The following OFD1 variants were observed in gnomAD, a reference collection of about 807,000 sequenced individuals.
OFD1 encodes the protein centriole and centriolar satellite protein OFD1.
OFD1 carries 12 observed loss-of-function variants against 81.4 expected under a neutral mutation model. The ratio of observed to expected loss-of-function variants is 0.15; its 90% CI spans 0.09 to 0.24. The LOEUF (loss-of-function observed/expected upper bound fraction) is 0.24, where lower values mean the gene tolerates loss of function less well. Among genes scored for constraint, OFD1 ranks in the 10% least tolerant of loss-of-function variants. The pLI is 1.00. For missense variants in OFD1, 685 were observed against 733.9 expected, an observed-to-expected ratio of 0.93 and a Z score of 0.77; for synonymous variants, 256 against 263.7, an observed-to-expected ratio of 0.97 and a Z score of 0.28.
intron 13 of OFD1, 59 bp from the exon 14 acceptor site, chrX:13,757,601 A>T: frequency 8.6e-7 from 1 of 1,159,064 alleles, no homozygotes; most frequent in South Asian, 1.8e-5. Context: ...TGTTAAGTTA[A>T]ATAAGAAAAC....
chrX:13,745,450 G>A (rs2047258183), intron 6 of OFD1, among the ~76,000 whole-genome samples: 3 of 112,271 alleles, frequency 2.7e-5, no homozygotes, highest in Non-Finnish European at 5.6e-5. Context: ...GAAATCTCAT[G>A]TGTTTTTTAC....
chrX:13,762,413 G>A lies in OFD1; in HGVS notation c.2457G>A (p.Lys819=), dbSNP rs1179361521. The A allele has an allele frequency of 2.5e-6, 3 of 1,184,035 alleles. No homozygotes were observed. The highest frequency in any genetic ancestry group is 5.9e-5 in the East Asian group (2 of 33,699). The change falls in exon 18 of 23, where the codon AAG becomes AAA. Residue 819 remains lysine (K), a synonymous_variant. Coordinates refer to ENST00000340096, the MANE Select transcript of OFD1 (RefSeq NM_003611.3). ...EFSDVDKLAF[K]DNEEFESSFE... is the part of the protein sequence containing the mutation. ...CAGATGTGGACAAGCTAGCTTTTAA[G>A]GATAATGAGGAGTTTGAATCATCTT...
In OFD1 at chrX:13,760,319, C is replaced by T. The variant is rs768396620; in HGVS notation, c.1859C>T (p.Ser620Phe). The change falls in exon 16 of 23, where the codon TCC (serine) becomes TTC (phenylalanine). Residue 620 changes from serine (S) to phenylalanine (F), a missense_variant. Ser to Phe is a radical substitution (Grantham distance 155, BLOSUM62 -2). Coordinates refer to ENST00000340096, the MANE Select transcript of OFD1 (RefSeq NM_003611.3). ...CCAACTGCATGGGTGGAGGGTAGTT[C>T]CCCTGATTCTGACCTTGAGTTTGTA... The part of the protein sequence containing the change: ...NYPTAWVEGS[S>F]PDSDLEFVAN... 8.3e-7 allele frequency: 1 copy of T among 1,211,544 alleles called. No individual in the cohort carries two copies. The highest frequency in any genetic ancestry group is 1.1e-6 in the Non-Finnish European group (1 of 895,326).
intron 1 of OFD1, 71 bp from the exon 2 acceptor site, chrX:13,735,177 C>G (rs2046808171): frequency 3.3e-6 from 4 of 1,196,057 alleles, no homozygotes; most frequent in Non-Finnish European, 4.5e-6. Flanking sequence ...TCCCCGGAGG[C>G]CACTGGTCTG....
At chrX:13,714,517 G>T in the OFD1 span, 8 of 970,343 alleles carry the variant, frequency 8.2e-6, no homozygotes, top group South Asian at 1.5e-4. Context: ...TAGGAAAGAA[G>T]AAAGTATTAG....
chrX:13,723,948 G>A, the OFD1 span, among the ~76,000 whole-genome samples: 3 of 111,844 alleles, frequency 2.7e-5, no homozygotes, highest in South Asian at 1.1e-3. Flanking sequence ...CCAATGTCAT[G>A]ACAAGGGCCT....
Position 13,734,793 on chromosome X carries a change from T to C in OFD1, c.-279T>C. 4.7e-6 allele frequency: 5 copies of C among 1,071,880 alleles called. No homozygotes were observed. Among genetic ancestry groups the C allele is most frequent in the Middle Eastern group, 7.4e-4 (2 of 2,692 alleles). The allele number at this position is 1,071,880 out of a possible 1,213,427, so 88.3% of individuals were successfully genotyped here. A position where few individuals can be genotyped will look rare whatever the true frequency, so the allele number is the denominator to read the frequency against. On this transcript the variant is annotated 5_prime_UTR_variant, in exon 1 of 23. Coordinates refer to ENST00000340096, the MANE Select transcript of OFD1 (RefSeq NM_003611.3). ...GCCTCGCTGCCTTCAGTCCCTAGTG[T>C]CTGGGTCCCCGCCCTCCAGCCGCCT...
rs2048250085 is a variant in OFD1 at position 13,769,131 on chromosome X, A to T, written c.*23A>T. 8.8e-7 allele frequency: 1 copy of T among 1,133,782 alleles called. No homozygotes were observed. The highest frequency in any genetic ancestry group is 1.8e-5 in the South Asian group (1 of 55,105). The allele number at this position is 1,133,782 out of a possible 1,213,427, so 93.4% of individuals were successfully genotyped here. A position where few individuals can be genotyped will look rare whatever the true frequency, so the allele number is the denominator to read the frequency against. ...TAACCATGTTTGCTGCCCAGCTTCTAACTTACATACCGTGAGAAGTTACGT... is the reference window on the plus strand; with the variant it reads ...TAACCATGTTTGCTGCCCAGCTTCTTACTTACATACCGTGAGAAGTTACGT... On this transcript the variant is annotated 3_prime_UTR_variant, in exon 23 of 23. Transcript: ENST00000340096.
chrX:13,732,132 C>T (rs1026494223), upstream of OFD1, among the ~76,000 whole-genome samples: 129 of 111,971 alleles, frequency 1.2e-3, no homozygotes, highest in African/African-American at 4.1e-3. Flanking sequence ...GCATTAAGAG[C>T]AAGGTCAGGG....
At chrX:13,745,721 A>G (rs984459481) in intron 6 of OFD1, among the ~76,000 whole-genome samples, 1 of 111,971 alleles carries the variant, frequency 8.9e-6, no homozygotes, top group African/African-American at 3.3e-5. Context: ...GCACTTTGCT[A>G]TGTGGTTGAT....
intron 5 of OFD1, among the ~76,000 whole-genome samples, chrX:13,739,562 C>G (rs1038315364): frequency 5.4e-5 from 6 of 111,115 alleles, no homozygotes; most frequent in African/African-American, 1.6e-4. Context: ...CCTGACCAAC[C>G]TGGAGAAACC....
In OFD1 at chrX:13,760,255, G is replaced by A. The variant is rs1347246610; in HGVS notation, c.1795G>A (p.Val599Ile). ...FLNNPFKQEN[V>I]LARMVASRIT... ...GAACAATCCTTTTAAACAGGAAAAC[G>A]TTCTAGCACGTATGGTTGCATCAAG... The change falls in exon 16 of 23, where the codon GTT becomes ATT. Residue 599 changes from valine to isoleucine, a missense_variant. Val to Ile is a conservative substitution (Grantham distance 29). Transcript: ENST00000340096. 2.5e-6 allele frequency: 3 copies of A among 1,211,648 alleles called. No individual in the cohort carries two copies. The highest frequency in any genetic ancestry group is 3.0e-5 in the East Asian group (1 of 33,853).
intron 13 of OFD1, 51 bp downstream of exon 13, chrX:13,756,818 G>A (rs2047728284): frequency 1.1e-6 from 1 of 928,292 alleles, no homozygotes; most frequent in Non-Finnish European, 1.6e-6. Flanking sequence ...ATTCGCATTA[G>A]GTCAGTATTA....
chrX:13,738,300 A>G (rs1016487742), intron 3 of OFD1, among the ~76,000 whole-genome samples: 6 of 113,012 alleles, frequency 5.3e-5, no homozygotes, highest in Admixed American at 4.7e-4. Flanking sequence ...CCCATGCAGA[A>G]TATTTACTTT....
chrX:13,737,203 A>G, intron 3 of OFD1, among the ~76,000 whole-genome samples: 1 of 111,573 alleles, frequency 9.0e-6, no homozygotes, highest in Non-Finnish European at 1.9e-5. Context: ...ATAAGTGAGA[A>G]ATACGTAATT....
At position 13,735,080 on chromosome X, in the gene OFD1, G is replaced by T; in HGVS notation, c.9G>T (p.Ala3=). MM[A]QSNMFTVADV... is the part of the protein sequence containing the mutation. Reference sequence around the variant, plus strand: ...GAGGGAGCTGACGCCTGATGATGGCGCAGGTAGACACACCTGCCCCTTCTC... The same window carrying T: ...GAGGGAGCTGACGCCTGATGATGGCTCAGGTAGACACACCTGCCCCTTCTC... The change falls in exon 1 of 23, where the codon GCG becomes GCT. Residue 3 remains alanine (A), a synonymous_variant. Coordinates refer to ENST00000340096, the MANE Select transcript of OFD1 (RefSeq NM_003611.3). 8.3e-7 allele frequency: 1 copy of T among 1,199,737 alleles called. No individual in the cohort carries two copies. Among genetic ancestry groups the T allele is most frequent in the South Asian group, 1.8e-5 (1 of 56,297 alleles).
intron 10 of OFD1, chrX:13,752,887 T>G (rs1028772852): frequency 4.6e-5 from 43 of 943,891 alleles, no homozygotes; most frequent in Non-Finnish European, 5.6e-5. Flanking sequence ...GTATTGCTAA[T>G]CCGGATATAA....
At chrX:13,770,901 C>G (rs758014384), downstream of OFD1, 7 of 112,308 alleles carry the variant, frequency 6.2e-5, no homozygotes, top group African/African-American at 1.9e-4. Flanking sequence ...ATACTGAGAA[C>G]AAAGAAAGAT....
At position 13,751,323 on chromosome X, in the gene OFD1, G is replaced by A. The variant is rs1301100240; in HGVS notation, c.1010G>A (p.Ser337Asn). The A allele has an allele frequency of 8.3e-7, 1 of 1,202,033 alleles. No individual in the cohort carries two copies. The highest frequency in any genetic ancestry group is 1.8e-5 in the African/African-American group (1 of 56,942). Residue 337 changes from serine to asparagine, a missense_variant, in exon 10 of 23, where the codon AGT (serine) becomes AAT (asparagine). By Grantham distance (46) the Ser-to-Asn change is conservative. Transcript: ENST00000340096. ...ALRRQEQNIK[S>N]FEETYDRKLK... ...AGGAGACAGGAGCAGAATATAAAGA[G>A]TTTTGAGGAGACCTATGACCGAAAG...
Sources: allele counts gnomAD v4.1 joint callset (sites outside exome capture counted in the v4.1 genomes callset), GRCh38; gene constraint gnomAD v4.1.1; transcripts MANE v1.5; gene names NCBI Gene and HGNC (gene_info 2026-07-23, HGNC 2026-07-21).